The following AGRN variants were observed in gnomAD, a reference collection of about 807,000 sequenced individuals.
AGRN encodes agrin proteoglycan.
In AGRN, 106 loss-of-function variants were observed where a neutral mutation model predicts 211.0. The observed-to-expected ratio is 0.50, with a 90% CI of 0.43 to 0.59. The LOEUF (loss-of-function observed/expected upper bound fraction) is 0.59, where lower values mean the gene tolerates loss of function less well. AGRN is among the 20% of genes least tolerant of loss of function. The pLI is 0.00. For synonymous variants in AGRN, 1,525 were observed against 1,332.5 expected (o/e 1.14, Z -3.15); for missense variants, 3,040 against 2,982.6 (o/e 1.02, Z -0.45).
At position 1,054,372 on chromosome 1, in the gene AGRN, G is replaced by A. The variant is rs368245774; in HGVS notation, c.5877-76G>A. On this transcript the variant is annotated intron_variant, in intron 34 of 35. Transcript: ENST00000379370. ...CTGAGGCACCTGCAGGGCATAGGAA[G>A]GATGCAGGGCTTATGGTCTAGAGGA... 5.3e-5 allele frequency: 70 copies of A among 1,322,028 alleles called. No individual in the cohort carries two copies. In the African/African-American group the frequency reaches 9.2e-4, roughly 17 times the overall value. The allele number at this position is 1,322,028 out of a possible 1,614,324, so 81.9% of individuals were successfully genotyped here. A position where few individuals can be genotyped will look rare whatever the true frequency, so the allele number is the denominator to read the frequency against.
intron 2 of AGRN, among the ~76,000 whole-genome samples, chr1:1,028,044 A>G (rs1644557464): frequency 6.6e-6 from 1 of 152,086 alleles, no homozygotes; most frequent in African/African-American, 2.4e-5. Context: ...AGGGCTCACC[A>G]TGACCTTCAC....
chr1:1,048,416 A>T lies in AGRN; in HGVS notation c.4105+51A>T. 10 of 939,858 alleles carry T rather than the reference A, an allele frequency of 1.1e-5. No homozygotes were observed. Among genetic ancestry groups the T allele is most frequent in the African/African-American group, 1.7e-5 (1 of 59,562 alleles). 58.2% of individuals were successfully genotyped at this position (939,858 alleles called of 1,614,324 possible). On this transcript the variant is annotated intron_variant, in intron 23 of 35. Transcript: ENST00000379370. This position sits in a 1 kb window ranked among gnomAD's most constrained non-coding sequence, Gnocchi z 5.9. ...GCGGGGAGGCAGCAGGGTGGGGGCAAGGATTGGGGGTGGGGCTAAGCCACC... is the reference window on the plus strand; with the variant it reads ...GCGGGGAGGCAGCAGGGTGGGGGCATGGATTGGGGGTGGGGCTAAGCCACC...
Position 1,046,649 on chromosome 1 carries a change from C to T in AGRN, c.3164C>T (p.Ser1055Phe). The T allele has an allele frequency of 6.3e-7, 1 of 1,596,564 alleles. No individual in the cohort carries two copies. Among genetic ancestry groups the T allele is most frequent in the Non-Finnish European group, 8.5e-7 (1 of 1,177,078 alleles). Residue 1055 changes from serine (S) to phenylalanine (F), a missense_variant, in exon 18 of 36, where the codon TCC (serine) becomes TTC (phenylalanine). Transcript: ENST00000379370. ...TCCCCTGCACCCAGCCTGGTGGCGT[C>T]CGCCTTTGGTGAATCTGGCAGCACT... ...APSPAPSLVA[S>F]AFGESGSTDG...
Position 1,055,394 on chromosome 1 carries a change from A to G in AGRN, c.*413A>G. 1 of 332,946 alleles carries G rather than the reference A, an allele frequency of 3.0e-6. No individual in the cohort carries two copies. The highest frequency in any genetic ancestry group is 5.9e-6 in the Non-Finnish European group (1 of 170,008). 20.6% of individuals were successfully genotyped at this position (332,946 alleles called of 1,614,324 possible). On this transcript the variant is annotated 3_prime_UTR_variant, in exon 36 of 36. Transcript: ENST00000379370. The stretch of plus-strand genomic sequence containing the variant: ...CCCCACAGGGCCTTTCCAAGCCCCC[A>G]TTTGAGCTGCTCCTTCCTGTGTGTG...
rs368776259 is a variant in AGRN at position 1,055,639 on chromosome 1, G to T, written c.*658G>T. The T allele has an allele frequency of 7.3e-5, 12 of 163,300 alleles. No homozygotes were observed. The South Asian group carries it at 2.1e-3, about 28-fold the overall frequency. 10.1% of individuals were successfully genotyped at this position (163,300 alleles called of 1,614,324 possible). A position where few individuals can be genotyped will look rare whatever the true frequency, so the allele number is the denominator to read the frequency against. ...CCCTCTGCCACACCCCAGGCCCTGC[G>T]AGGGGCTATCGAGAGGAGCTCACTG... On this transcript the variant is annotated 3_prime_UTR_variant, in exon 36 of 36. Transcript: ENST00000379370.
At chr1:1,028,495 C>T (rs998577484) in intron 2 of AGRN, among the ~76,000 whole-genome samples, 8 of 145,976 alleles carry the variant, frequency 5.5e-5, no homozygotes, top group Admixed American at 2.0e-4. Flanking sequence ...CCCACACCCA[C>T]GCCACCCTTT....
chr1:1,044,409 C>T lies in AGRN; in HGVS notation c.2224C>T (p.Leu742Phe). Reference protein sequence around the residue: ...KKARCESQRGLYVAAQGACRG... With the variant: ...KKARCESQRGFYVAAQGACRG... ...GGCCAGGTGTGAGTCACAGCGAGGG[C>T]TCTACGTAGCGGCCCAGGGAGCCTG... The change falls in exon 12 of 36, where the codon CTC (leucine) becomes TTC (phenylalanine). Residue 742 changes from leucine (L) to phenylalanine (F), a missense_variant. Leu to Phe is a conservative substitution (Grantham distance 22). Around this residue, in one of 3 missense-constraint regions of AGRN, gnomAD observed 1,498 missense variants for 1,457.8 expected, o/e 1.03. Coordinates refer to ENST00000379370, the MANE Select transcript of AGRN (RefSeq NM_198576.4). The T allele has an allele frequency of 6.2e-7, 1 of 1,611,910 alleles. No individual in the cohort carries two copies. Among genetic ancestry groups the T allele is most frequent in the Non-Finnish European group, 8.5e-7 (1 of 1,179,464 alleles).
chr1:1,043,820 C>T lies in AGRN; in HGVS notation c.1799-3C>T. 6.2e-7 allele frequency: 1 copy of T among 1,610,676 alleles called. No individual in the cohort carries two copies. Among genetic ancestry groups the T allele is most frequent in the South Asian group, 1.1e-5 (1 of 91,080 alleles). On this transcript the variant is annotated splice_region_variant and splice_polypyrimidine_tract_variant and intron_variant, in intron 9 of 35. Transcript: ENST00000379370. ...GACCCCTGCCTGGCTCTGTCTCCTGCAGAGACCTGTGGAGATGCCGTGTGT... is the reference window on the plus strand; with the variant it reads ...GACCCCTGCCTGGCTCTGTCTCCTGTAGAGACCTGTGGAGATGCCGTGTGT...
At position 1,031,955 on chromosome 1, in the gene AGRN, TC is replaced by T. The variant is rs1644685807; in HGVS notation, c.464-3321del. On this transcript the variant is annotated intron_variant, in intron 2 of 35. Transcript: ENST00000379370. The surrounding 1 kb of genome is among the most constrained non-coding windows in gnomAD (Gnocchi z 4.8). The stretch of plus-strand genomic sequence containing the variant: ...TGCCTCTGCACACAGCAAGTCCTGT[TC>T]TGGGTTTTCTCATCCCTGGGTCACA... Among the ~76,000 whole-genome samples, 1 of 152,188 alleles carries T rather than the reference TC, an allele frequency of 6.6e-6. No homozygotes were observed.
At position 1,042,109 on chromosome 1, in the gene AGRN, A is replaced by G; in HGVS notation, c.1331A>G (p.Gln444Arg). 3 of 1,602,462 alleles carry G rather than the reference A, an allele frequency of 1.9e-6. No homozygotes were observed. Among genetic ancestry groups the G allele is most frequent in the Non-Finnish European group, 2.5e-6 (3 of 1,178,578 alleles). ...RTYDSDCWRQ[Q>R]AECRQQRAIP... ...TATGACAGTGATTGCTGGCGGCAGC[A>G]GGCTGAGTGCCGGCAGCAGCGTGCC... Residue 444 changes from glutamine (Q) to arginine (R), a missense_variant, in exon 7 of 36, where the codon CAG becomes CGG. Gln to Arg is a conservative substitution (Grantham distance 43). Transcript: ENST00000379370.
At position 1,046,861 on chromosome 1, in the gene AGRN, C is replaced by T. The variant is rs1431057237; in HGVS notation, c.3292C>T (p.Pro1098Ser). ...GGGCAGCAGCGTGGCCACCCCTGGG[C>T]CACCTGTCGAGAGGGCTTCCTGCTA... ...LEGSSVATPG[P>S]PVERASCYNS... is the part of the protein sequence containing the mutation. Residue 1098 changes from proline (P) to serine (S), a missense_variant, in exon 19 of 36, where the codon CCA becomes TCA. Physicochemically the swap from Pro to Ser is moderately conservative, Grantham distance 74. Coordinates refer to ENST00000379370, the MANE Select transcript of AGRN (RefSeq NM_198576.4). 1.3e-6 allele frequency: 2 copies of T among 1,586,810 alleles called. No homozygotes were observed. The highest frequency in any genetic ancestry group is 1.7e-6 in the Non-Finnish European group (2 of 1,168,636).
chr1:1,045,592 T>C (rs867053348), intron 14 of AGRN, 69 bp downstream of exon 14: 2 of 1,604,352 alleles, frequency 1.2e-6, no homozygotes, highest in Admixed American at 3.4e-5. Flanking sequence ...TCACTGTGCT[T>C]CTCCTCACCT....
chr1:1,027,661 G>C (rs1644549077), intron 2 of AGRN, among the ~76,000 whole-genome samples: 1 of 152,198 alleles, frequency 6.6e-6, no homozygotes, highest in Admixed American at 6.5e-5. Context: ...GACAGGAGAG[G>C]GTCCTGGGTC....
chr1:1,034,503 C>T, intron 2 of AGRN: 18 of 985,786 alleles, frequency 1.8e-5, no homozygotes, highest in Non-Finnish European at 2.2e-5. Context: ...AAGGGCACCC[C>T]GTGAGGAGCC....
chr1:1,051,198 C>A, intron 30 of AGRN, 55 bp from the exon 31 acceptor site: 1 of 1,549,798 alleles, frequency 6.5e-7, no homozygotes. Context: ...TGCCTGGGCC[C>A]TGGGTCTGCA....
Position 1,050,578 on chromosome 1 carries a change from G to T in AGRN, c.5128G>T (p.Ala1710Ser), listed in dbSNP as rs1357149097. 9.3e-6 allele frequency: 15 copies of T among 1,610,250 alleles called. No individual in the cohort carries two copies. The highest frequency in any genetic ancestry group is 1.3e-5 in the Non-Finnish European group (15 of 1,178,524). ...GTTCCGCTACGACCTGGGCAAGGGGGCAGCGGTCATCAGGTGGGCCGGCAA... is the reference window on the plus strand; with the variant it reads ...GTTCCGCTACGACCTGGGCAAGGGGTCAGCGGTCATCAGGTGGGCCGGCAA... ...LEFRYDLGKGAAVIRSREPVT... is the reference protein window; with the variant it reads ...LEFRYDLGKGSAVIRSREPVT... The change falls in exon 29 of 36, where the codon GCA (alanine) becomes TCA (serine). Residue 1710 changes from alanine to serine, a missense_variant. Coordinates refer to ENST00000379370, the MANE Select transcript of AGRN (RefSeq NM_198576.4).
At chr1:1,028,172 C>A (rs1046879113) in intron 2 of AGRN, among the ~76,000 whole-genome samples, 2 of 152,164 alleles carry the variant, frequency 1.3e-5, no homozygotes, top group African/African-American at 2.4e-5. Context: ...TGCAGAGAAC[C>A]GTGGGAGAAA....
chr1:1,020,382 AC>A lies in AGRN; in HGVS notation c.201+12del. On this transcript the variant is annotated intron_variant, in intron 1 of 35. Coordinates refer to ENST00000379370, the MANE Select transcript of AGRN (RefSeq NM_198576.4). ...ACACGTACTCCTGCAAGGTGCGCCCACCCGGACCCCGGCCTCCCCTCGCGAC... is the reference window on the plus strand; with the variant it reads ...ACACGTACTCCTGCAAGGTGCGCCCACCGGACCCCGGCCTCCCCTCGCGAC... The A allele has an allele frequency of 6.7e-7, 1 of 1,492,572 alleles. No homozygotes were observed. The highest frequency in any genetic ancestry group is 8.9e-7 in the Non-Finnish European group (1 of 1,120,000). 92.5% of individuals were successfully genotyped at this position (1,492,572 alleles called of 1,614,324 possible).
chr1:1,055,161 AGCGTGGAGGGCTCG>A lies in AGRN; in HGVS notation c.*188_*201del, dbSNP rs1645421220. 1.6e-5 allele frequency: 16 copies of A among 1,012,750 alleles called. No individual in the cohort carries two copies. The highest frequency in any genetic ancestry group is 3.0e-4 in the Middle Eastern group (1 of 3,288). The allele number at this position is 1,012,750 out of a possible 1,614,324, so 62.7% of individuals were successfully genotyped here. On this transcript the variant is annotated 3_prime_UTR_variant, in exon 36 of 36. Transcript: ENST00000379370. Reference sequence around the variant, plus strand: ...CCGAGGGATGGACAGGCGAGGTGGCAGCGTGGAGGGCTCGGCGTGGATGGCAGCCTCAGGACACA... The same window carrying A: ...CCGAGGGATGGACAGGCGAGGTGGCAGCGTGGATGGCAGCCTCAGGACACA...
Sources: gnomAD v4.1 joint callset for allele counts (sites outside exome capture counted in the v4.1 genomes callset) on GRCh38, gnomAD v4.1.1 for gene constraint, gnomAD v4.1.1 regional missense constraint, Gnocchi (gnomAD v3.1) non-coding constraint, MANE v1.5 for transcripts, NCBI Gene and HGNC (gene_info 2026-07-23, HGNC 2026-07-21) for gene names.